GLRA2: variants seen among roughly 807,000 people sequenced by gnomAD.
GLRA2 encodes the protein glycine receptor subunit alpha-2.
GLRA2 carries 11 observed loss-of-function variants against 31.6 expected under a neutral mutation model. That is an observed-to-expected ratio of 0.35 (90% CI 0.22 to 0.58). The LOEUF (loss-of-function observed/expected upper bound fraction) is 0.58. Ranked by LOEUF, GLRA2 falls within the 20% of genes least tolerant of loss-of-function variation. GLRA2 has a pLI of 0.84. For missense variants in GLRA2, 212 were observed against 351.8 expected (o/e 0.60, Z 3.18); for synonymous variants, 132 against 134.0 (o/e 0.99, Z 0.10).
At chrX:14,483,309 T>C in the GLRA2 span, among the ~76,000 whole-genome samples, 1 of 111,853 alleles carries the variant, frequency 8.9e-6, no homozygotes, top group Non-Finnish European at 1.9e-5. Flanking sequence ...GAGATGCAGA[T>C]TTTAGAGCAG....
At chrX:14,495,611 A>G in the GLRA2 span, among the ~76,000 whole-genome samples, 2 of 108,927 alleles carry the variant, frequency 1.8e-5, no homozygotes, top group Non-Finnish European at 3.8e-5. Flanking sequence ...CGCACTATAT[A>G]TGTGTATGTA....
At chrX:14,584,676 CA>C (rs1176025465) in intron 4 of GLRA2, among the ~76,000 whole-genome samples, 29 of 112,130 alleles carry the variant, frequency 2.6e-4, no homozygotes, top group African/African-American at 9.4e-4. Context: ...TAAGGAAACA[CA>C]AAACATTCTC....
intron 2 of GLRA2, among the ~76,000 whole-genome samples, chrX:14,556,946 T>G (rs2147034791): frequency 9.0e-6 from 1 of 111,215 alleles, no homozygotes; most frequent in South Asian, 3.8e-4. Context: ...TAATGGGTAC[T>G]CAATAAATAT....
At chrX:14,612,784 TGGACAC>T (rs2090413774) in intron 7 of GLRA2, among the ~76,000 whole-genome samples, 1 of 80,764 alleles carries the variant, frequency 1.2e-5, no homozygotes, top group Admixed American at 1.8e-4. Flanking sequence ...TGAGAATACA[TGGACAC>T]GGGGAGGGGA....
chrX:14,623,518 C>T lies in GLRA2; in HGVS notation c.930+14313C>T, dbSNP rs767895688. ...AAATAGCTCTTATTATTTTGAAATACGTCCCATCAATACCTACTTTATTGA... is the reference window on the plus strand; with the variant it reads ...AAATAGCTCTTATTATTTTGAAATATGTCCCATCAATACCTACTTTATTGA... On this transcript the variant is annotated intron_variant, in intron 7 of 8. Coordinates refer to ENST00000218075, the MANE Select transcript of GLRA2 (RefSeq NM_002063.4). Among the ~76,000 whole-genome samples, 248 of 111,191 alleles carry T rather than the reference C, an allele frequency of 2.2e-3. 3 individuals are homozygous for T. The highest frequency in any genetic ancestry group is 7.3e-3 in the African/African-American group (224 of 30,548).
intron 8 of GLRA2, among the ~76,000 whole-genome samples, chrX:14,703,377 T>A (rs2091574231): frequency 9.0e-6 from 1 of 111,478 alleles, no homozygotes; most frequent in African/African-American, 3.3e-5. Context: ...AGCCATAACA[T>A]TGCATTTCTC....
chrX:14,707,532 T>C (rs749629912), intron 8 of GLRA2, among the ~76,000 whole-genome samples: 2 of 109,448 alleles, frequency 1.8e-5, no homozygotes, highest in South Asian at 4.1e-4. Flanking sequence ...GTAGTGAGCT[T>C]AGAACCTGAT....
chrX:14,704,821 T>C (rs1674530495), intron 8 of GLRA2, among the ~76,000 whole-genome samples: 1 of 111,464 alleles, frequency 9.0e-6, no homozygotes, highest in Admixed American at 9.5e-5. Flanking sequence ...AAGGGGCAGA[T>C]AAAAAAAACT....
the GLRA2 span, among the ~76,000 whole-genome samples, chrX:14,512,126 A>G: frequency 9.0e-6 from 1 of 111,620 alleles, no homozygotes; most frequent in Non-Finnish European, 1.9e-5. Context: ...AATTCCTACC[A>G]TTTATGTATT....
chrX:14,532,130 C>G (rs1355174741), intron 1 of GLRA2, 109 bp from the exon 2 acceptor site: 3 of 516,508 alleles, frequency 5.8e-6, no homozygotes, highest in Admixed American at 8.6e-5. Flanking sequence ...TTTCTTCATA[C>G]TAACATATCA....
chrX:14,581,517 G>T (rs769850876), intron 4 of GLRA2, 111 bp downstream of exon 4: 108 of 480,824 alleles, frequency 2.2e-4, no homozygotes, highest in Non-Finnish European at 3.5e-4. Context: ...GTGGTTTCTT[G>T]TTTATCATTT....
the GLRA2 span, among the ~76,000 whole-genome samples, chrX:14,523,980 A>T: frequency 8.9e-6 from 1 of 112,080 alleles, no homozygotes; most frequent in Non-Finnish European, 1.9e-5. Flanking sequence ...GCAACTCATC[A>T]TCCATTCAAG....
At chrX:14,681,891 C>CAAAAAAAAAAAAAA (rs1157722406) in intron 7 of GLRA2, among the ~76,000 whole-genome samples, 1 of 26,689 alleles carries the variant, frequency 3.7e-5, no homozygotes, top group African/African-American at 1.1e-4. Context: ...GACACCATCT[C>CAAAAAAAAAAAAAA]AAAAAAAAAA....
chrX:14,521,902 C>CT, the GLRA2 span, among the ~76,000 whole-genome samples: 1 of 111,930 alleles, frequency 8.9e-6, no homozygotes, highest in African/African-American at 3.2e-5. Flanking sequence ...GAATTGTAAT[C>CT]TTTTTTCTGG....
At position 14,552,095 on chromosome X, in the gene GLRA2, A is replaced by T. The variant is rs375051637; in HGVS notation, c.202+19723A>T. 2.1e-4 allele frequency among the ~76,000 whole-genome samples: 24 copies of T among 112,465 alleles called. No individual in the cohort carries two copies. The South Asian group carries it at 8.8e-3, about 41-fold the overall frequency. ...GTGCCTAACGTATAGCAACTTTGAG[A>T]ACTTACAGAAGCAGTGACAGGCAAC... is the stretch of plus-strand genomic sequence containing the variant. On this transcript the variant is annotated intron_variant, in intron 2 of 8. Coordinates refer to ENST00000218075, the MANE Select transcript of GLRA2 (RefSeq NM_002063.4).
chrX:14,599,213 C>T (rs1249700544), intron 4 of GLRA2, among the ~76,000 whole-genome samples: 3 of 112,436 alleles, frequency 2.7e-5, no homozygotes, highest in East Asian at 2.8e-4. Flanking sequence ...AGTGGAGGAA[C>T]GGACAATAAT....
chrX:14,672,716 C>T (rs191171047), intron 7 of GLRA2, among the ~76,000 whole-genome samples: 1 of 111,960 alleles, frequency 8.9e-6, no homozygotes, highest in African/African-American at 3.2e-5. Context: ...GCTTTTGAAC[C>T]ACATTAATTA....
the GLRA2 span, among the ~76,000 whole-genome samples, chrX:14,494,938 C>T: frequency 3.6e-5 from 4 of 111,921 alleles, no homozygotes; most frequent in African/African-American, 1.3e-4. Context: ...TTTAATCAGT[C>T]CTCTGTATGA....
rs748383159 is a variant in GLRA2, at chrX:14,647,889, C to G, written c.930+38684C>G. Among the ~76,000 whole-genome samples, 4 of 111,952 alleles carry G rather than the reference C, an allele frequency of 3.6e-5. No individual in the cohort carries two copies. In the South Asian group the frequency reaches 1.5e-3, roughly 41 times the overall value. On this transcript the variant is annotated intron_variant, in intron 7 of 8. Transcript: ENST00000218075. ...AATGAATTGTCCACTTTAAGTGTTG[C>G]AATGGATATGTAAAAGGAAATAGTG...
Sources: gnomAD v4.1 joint callset for allele counts (sites outside exome capture counted in the v4.1 genomes callset) on GRCh38, gnomAD v4.1.1 for gene constraint, MANE v1.5 for transcripts, NCBI Gene and HGNC (gene_info 2026-07-23, HGNC 2026-07-21) for gene names.